The following CDCA7L variants were observed in gnomAD, a reference collection of about 807,000 sequenced individuals.
CDCA7L encodes cell division cycle-associated 7-like protein.
CDCA7L carries 44 observed loss-of-function variants against 57.4 expected under a neutral mutation model. The observed-to-expected ratio is 0.77, with a 90% CI of 0.60 to 0.98. The LOEUF is 0.98. Among genes scored for constraint, CDCA7L ranks in the 50% least tolerant of loss-of-function variants. The pLI, the probability that CDCA7L is intolerant of heterozygous loss-of-function variation, is 0.00. For missense variants in CDCA7L, 644 were observed against 580.6 expected, an observed-to-expected ratio of 1.11 and a Z score of -1.12; for synonymous variants, 236 against 202.8, an observed-to-expected ratio of 1.16 and a Z score of -1.39.
intron 1 of CDCA7L, 76 bp downstream of exon 1, chr7:21,945,705 G>A: frequency 2.6e-6 from 4 of 1,567,640 alleles, no homozygotes; most frequent in Non-Finnish European, 3.5e-6. Context: ...TCCAGCCCAA[G>A]GCCAGCAGGA....
chr7:21,936,288 C>T (rs150959605), intron 1 of CDCA7L, among the ~76,000 whole-genome samples: 253 of 152,212 alleles, frequency 1.7e-3, no homozygotes, highest in African/African-American at 5.5e-3. Context: ...TCAAAGTCTT[C>T]CAAAAACTTG....
chr7:21,909,994 A>G (rs993653194), intron 3 of CDCA7L, among the ~76,000 whole-genome samples: 11 of 152,168 alleles, frequency 7.2e-5, no homozygotes, highest in Non-Finnish European at 1.2e-4. Flanking sequence ...GGAGGCAACA[A>G]TGCTTTTCTT....
At chr7:21,940,072 T>C (rs949411378) in intron 1 of CDCA7L, among the ~76,000 whole-genome samples, 12 of 151,604 alleles carry the variant, frequency 7.9e-5, no homozygotes, top group African/African-American at 2.7e-4. Flanking sequence ...CCTGGGCTGA[T>C]AGAGCTACCA....
chr7:21,930,730 G>C (rs1391933961), intron 1 of CDCA7L, among the ~76,000 whole-genome samples: 1 of 138,072 alleles, frequency 7.2e-6, no homozygotes, highest in African/African-American at 2.7e-5. Flanking sequence ...AAAAGAACTA[G>C]AGACGCAAGA....
Position 21,916,821 on chromosome 7 carries a change from ACAT to A in CDCA7L, c.95_97del (p.Asp32del), listed in dbSNP as rs745999030. 4 of 1,614,058 alleles carry A rather than the reference ACAT, an allele frequency of 2.5e-6. No individual in the cohort carries two copies. Among genetic ancestry groups the A allele is most frequent in the Non-Finnish European group, 3.4e-6 (4 of 1,179,952 alleles). On this transcript the variant is annotated inframe_deletion, in exon 2 of 10. Transcript: ENST00000406877. ...CTCTGACGAGAGGGTTTCCATGGGA[ACAT>A]CATCTCGGAAGCCAACAAACTCTTC...
intron 1 of CDCA7L, among the ~76,000 whole-genome samples, chr7:21,931,163 A>G (rs6959493): frequency 0.2 from 30,333 of 152,128 alleles, 3,781 homozygotes; most frequent in East Asian, 0.5. Flanking sequence ...AGAGTCTAGG[A>G]CCAGACAGAT....
rs1784916911 is a variant in CDCA7L at position 21,902,174 on chromosome 7, T to TAAACAATCTTTA, written c.*136_*147dup. 5 of 779,938 alleles carry TAAACAATCTTTA rather than the reference T, an allele frequency of 6.4e-6. No homozygotes were observed. In the South Asian group the frequency reaches 8.0e-5, roughly 12 times the overall value. 48.3% of individuals were successfully genotyped at this position (779,938 alleles called of 1,614,324 possible). A position where few individuals can be genotyped will look rare whatever the true frequency, so the allele number is the denominator to read the frequency against. On this transcript the variant is annotated 3_prime_UTR_variant, in exon 10 of 10. Coordinates refer to ENST00000406877, the MANE Select transcript of CDCA7L (RefSeq NM_018719.5). Reference sequence around the variant, plus strand: ...TTCCTGAGAAATCTTTGTAAGCATATAAACAATCTTTAACAAAAAATAGTA... The same window carrying TAAACAATCTTTA: ...TTCCTGAGAAATCTTTGTAAGCATATAAACAATCTTTAAAACAATCTTTAACAAAAAATAGTA...
At chr7:21,911,847 C>T (rs1452897209) in intron 2 of CDCA7L, 93 bp from the exon 3 acceptor site, 3 of 1,220,084 alleles carry the variant, frequency 2.5e-6, no homozygotes, top group Non-Finnish European at 3.4e-6. Flanking sequence ...GGGTACAGAG[C>T]TTCTGATGGA....
At chr7:21,915,719 C>T (rs938334136) in intron 2 of CDCA7L, among the ~76,000 whole-genome samples, 1 of 151,120 alleles carries the variant, frequency 6.6e-6, no homozygotes, top group Non-Finnish European at 1.5e-5. Flanking sequence ...CCCAGCTACT[C>T]GGGAGGCTGA....
At chr7:21,945,625 G>A (rs548939129) in intron 1 of CDCA7L, among the ~76,000 whole-genome samples, 156 bp downstream of exon 1, 77 of 152,242 alleles carry the variant, frequency 5.1e-4, no homozygotes, top group African/African-American at 1.8e-3. Flanking sequence ...ACACCTGCAG[G>A]GCGCGCCCAC....
rs1785442325 is a variant in CDCA7L, at chr7:21,915,241, G to A, written c.165+1513C>T. Among the ~76,000 whole-genome samples, 4 of 152,072 alleles carry A rather than the reference G, an allele frequency of 2.6e-5. No individual in the cohort carries two copies. The South Asian group carries it at 8.3e-4, about 32-fold the overall frequency. On this transcript the variant is annotated intron_variant, in intron 2 of 9. Transcript: ENST00000406877. ...GAGGGAAGGCCAAGAACAAAAGATG[G>A]AAATCAAGATGGGGAAAGGGGGAAG...
intron 1 of CDCA7L, among the ~76,000 whole-genome samples, chr7:21,938,340 C>G (rs148324858): frequency 4.5e-4 from 68 of 151,870 alleles, no homozygotes; most frequent in African/African-American, 1.5e-3. Context: ...AACAAAACCA[C>G]GATGAGATAC....
At chr7:21,908,564 G>C (rs1468719702) in intron 3 of CDCA7L, 57 bp from the exon 4 acceptor site, 2 of 1,380,358 alleles carry the variant, frequency 1.4e-6, no homozygotes, top group Non-Finnish European at 1.9e-6. Flanking sequence ...CCACAAAAAA[G>C]ACATGCATTT....
At position 21,903,055 on chromosome 7, in the gene CDCA7L, G is replaced by GTCACGCT. The variant is rs769315810; in HGVS notation, c.1250_1256dup (p.Asp419GlufsTer3). 1.2e-5 allele frequency: 20 copies of GTCACGCT among 1,613,884 alleles called. No homozygotes were observed. Among genetic ancestry groups the GTCACGCT allele is most frequent in the Non-Finnish European group, 1.6e-5 (19 of 1,179,902 alleles). On this transcript the variant is annotated stop_gained and frameshift_variant, in exon 9 of 10. Transcript: ENST00000406877. LOFTEE classifies it high-confidence loss of function. Reference sequence around the variant, plus strand: ...TGAGGATTCCTGTGGCACAGCGGCCGTCACGCTTCCGACAGTAGCTGCAAT... The same window carrying GTCACGCT: ...TGAGGATTCCTGTGGCACAGCGGCCGTCACGCTTCACGCTTCCGACAGTAGCTGCAAT...
At chr7:21,923,527 G>T (rs551067633) in intron 1 of CDCA7L, among the ~76,000 whole-genome samples, 1 of 152,076 alleles carries the variant, frequency 6.6e-6, no homozygotes, top group African/African-American at 2.4e-5. Flanking sequence ...AAAAACCGGG[G>T]TAGAGGGGAA....
chr7:21,912,504 G>C (rs561318601), intron 2 of CDCA7L, among the ~76,000 whole-genome samples: 1 of 152,296 alleles, frequency 6.6e-6, no homozygotes, highest in East Asian at 1.9e-4. Flanking sequence ...CAAAACACAT[G>C]GAAAGAAGAT....
At position 21,901,888 on chromosome 7, in the gene CDCA7L, G is replaced by A. The variant is rs181501220; in HGVS notation, c.*434C>T. ...TCCAATGACCAAGAGCAGGTTAAACGATGTGTGTGGTCTATTAAACTGTGG... is the reference window on the plus strand; with the variant it reads ...TCCAATGACCAAGAGCAGGTTAAACAATGTGTGTGGTCTATTAAACTGTGG... On this transcript the variant is annotated 3_prime_UTR_variant, in exon 10 of 10. Coordinates refer to ENST00000406877, the MANE Select transcript of CDCA7L (RefSeq NM_018719.5). The A allele has an allele frequency of 7.0e-5, 13 of 185,938 alleles. No homozygotes were observed. The highest frequency in any genetic ancestry group is 2.7e-4 in the Admixed American group (5 of 18,538). 11.5% of individuals were successfully genotyped at this position (185,938 alleles called of 1,614,324 possible).
intron 9 of CDCA7L, 110 bp downstream of exon 9, chr7:21,902,868 A>ATATAAGTAAGTAAGTCAC: frequency 5.1e-6 from 5 of 984,518 alleles, no homozygotes; most frequent in Non-Finnish European, 7.7e-6. Flanking sequence ...CTCGTGGTTT[A>ATATAAGTAAGTAAGTCAC]TATAAGTAAG....
Position 21,902,960 on chromosome 7 carries a change from T to TGCTAGAGACTTA in CDCA7L, c.1334+6_1334+17dup. Reference sequence around the variant, plus strand: ...CAAGATTTCAAGCTGTTTTGTAAGCTGCTAGAGACTTACTTACCTCTCCAG... The same window carrying TGCTAGAGACTTA: ...CAAGATTTCAAGCTGTTTTGTAAGCTGCTAGAGACTTAGCTAGAGACTTACTTACCTCTCCAG... On this transcript the variant is annotated intron_variant, in intron 9 of 9. Coordinates refer to ENST00000406877, the MANE Select transcript of CDCA7L (RefSeq NM_018719.5). 1 of 1,610,456 alleles carries TGCTAGAGACTTA rather than the reference T, an allele frequency of 6.2e-7. No individual in the cohort carries two copies. Among genetic ancestry groups the TGCTAGAGACTTA allele is most frequent in the Non-Finnish European group, 8.5e-7 (1 of 1,177,564 alleles).
Sources: gnomAD v4.1 joint callset for allele counts (sites outside exome capture counted in the v4.1 genomes callset) on GRCh38, gnomAD v4.1.1 for gene constraint, MANE v1.5 for transcripts, NCBI Gene and HGNC (gene_info 2026-07-23, HGNC 2026-07-21) for gene names.